DNAH9: variants seen among roughly 807,000 people sequenced by gnomAD.
The protein encoded by DNAH9 is dynein axonemal heavy chain 9.
DNAH9 carries 345 observed loss-of-function variants against 471.6 expected under a neutral mutation model. The ratio of observed to expected loss-of-function variants is 0.73; its 90% CI spans 0.67 to 0.80. The LOEUF (loss-of-function observed/expected upper bound fraction) is 0.80, where lower values mean the gene tolerates loss of function less well. Among genes scored for constraint, DNAH9 ranks in the 30% least tolerant of loss-of-function variants. DNAH9 has a pLI of 0.00. For missense variants in DNAH9, 5,407 were observed against 5,609.2 expected, an observed-to-expected ratio of 0.96 and a Z score of 1.15; for synonymous variants, 2,093 against 2,123.6, an observed-to-expected ratio of 0.99 and a Z score of 0.40.
intron 39 of DNAH9, among the ~76,000 whole-genome samples, 162 bp downstream of exon 39, chr17:11,781,336 C>T (rs1190739074): frequency 1.3e-5 from 2 of 152,224 alleles, no homozygotes; most frequent in African/African-American, 2.4e-5. Context: ...CTCTATTTCC[C>T]AGAGTGGTTC....
At chr17:11,679,605 T>C in intron 17 of DNAH9, 152 bp from the exon 18 acceptor site, 2 of 638,064 alleles carry the variant, frequency 3.1e-6, no homozygotes, top group Non-Finnish European at 5.6e-6. Flanking sequence ...ATTCTTAACA[T>C]CAGAGCATAG....
intron 36 of DNAH9, 37 bp from the exon 37 acceptor site, chr17:11,768,416 G>A (rs1286591204): frequency 3.7e-6 from 6 of 1,600,084 alleles, no homozygotes; most frequent in Non-Finnish European, 5.1e-6. Context: ...CTTGAGTTCT[G>A]GAGGACCTTG....
At chr17:11,864,294 A>G (rs1445651152) in intron 50 of DNAH9, among the ~76,000 whole-genome samples, 4 of 151,948 alleles carry the variant, frequency 2.6e-5, no homozygotes, top group Non-Finnish European at 5.9e-5. Flanking sequence ...GTAGTCATTC[A>G]GGAGCAGGTT....
rs1967772891 is a variant in DNAH9 at position 11,762,893 on chromosome 17, C to T, written c.6996-547C>T. On this transcript the variant is annotated intron_variant, in intron 35 of 68. Transcript: ENST00000262442. Reference sequence around the variant, plus strand: ...CTCCCGGGTTCACGCCATTCTTCTGCCTCAGCCTCCCAAGTAGCTGGGAGT... The same window carrying T: ...CTCCCGGGTTCACGCCATTCTTCTGTCTCAGCCTCCCAAGTAGCTGGGAGT... Among the ~76,000 whole-genome samples, 4 of 149,504 alleles carry T rather than the reference C, an allele frequency of 2.7e-5. No homozygotes were observed. In the Admixed American group the frequency reaches 2.7e-4, roughly 10 times the overall value.
At chr17:11,749,856 G>A (rs1967076827) in intron 32 of DNAH9, among the ~76,000 whole-genome samples, 1 of 151,934 alleles carries the variant, frequency 6.6e-6, no homozygotes, top group South Asian at 2.1e-4. Context: ...CTATACTAAT[G>A]TCATTTTATT....
intron 67 of DNAH9, among the ~76,000 whole-genome samples, chr17:11,961,470 G>A (rs1976173257): frequency 6.6e-6 from 1 of 152,122 alleles, no homozygotes; most frequent in African/African-American, 2.4e-5. Context: ...ATCTTTGTAG[G>A]CGCTGGCTTC....
intron 55 of DNAH9, among the ~76,000 whole-genome samples, chr17:11,882,487 A>AT (rs759281953): frequency 4.6e-5 from 7 of 152,094 alleles, no homozygotes; most frequent in African/African-American, 1.7e-4. Flanking sequence ...TGCATGAGAG[A>AT]TTGAGTTCAG....
At chr17:11,885,481 T>C (rs946121137) in intron 56 of DNAH9, among the ~76,000 whole-genome samples, 3 of 152,272 alleles carry the variant, frequency 2.0e-5, no homozygotes, top group African/African-American at 7.2e-5. Context: ...TCTCTGTTTC[T>C]TTCTGAGTTG....
chr17:11,736,768 A>G (rs2075354635), intron 28 of DNAH9, among the ~76,000 whole-genome samples: 1 of 152,216 alleles, frequency 6.6e-6, no homozygotes, highest in South Asian at 2.1e-4. Context: ...TGCATCATAA[A>G]TTCTTGCTGA....
Position 11,892,056 on chromosome 17 carries a change from ACTAT to A in DNAH9, c.11283+112_11283+115del. The A allele has an allele frequency of 1.5e-6, 2 of 1,316,408 alleles. No homozygotes were observed. Among genetic ancestry groups the A allele is most frequent in the East Asian group, 4.6e-5 (2 of 43,190 alleles). The allele number at this position is 1,316,408 out of a possible 1,614,324, so 81.5% of individuals were successfully genotyped here. A position where few individuals can be genotyped will look rare whatever the true frequency, so the allele number is the denominator to read the frequency against. On this transcript the variant is annotated intron_variant, in intron 58 of 68. Transcript: ENST00000262442. This position sits in a 1 kb window ranked among gnomAD's most constrained non-coding sequence, Gnocchi z 4.3. ...ACATCACTTTCCACAGCATGTCCAG[ACTAT>A]CTGTCTTTGGATAGAGGCATCAGAC...
At chr17:11,750,291 A>G (rs1044041477) in intron 32 of DNAH9, among the ~76,000 whole-genome samples, 15 of 152,098 alleles carry the variant, frequency 9.9e-5, no homozygotes, top group African/African-American at 3.1e-4. Flanking sequence ...AATTTTTTGG[A>G]TAACTTTAAA....
At chr17:11,825,837 A>G (rs1448815241) in intron 48 of DNAH9, among the ~76,000 whole-genome samples, 3 of 152,236 alleles carry the variant, frequency 2.0e-5, no homozygotes, top group Non-Finnish European at 4.4e-5. Context: ...TGAAAGCACA[A>G]AATATTCTAT....
At chr17:11,637,319 G>C (rs1423260076) in intron 9 of DNAH9, among the ~76,000 whole-genome samples, 3 of 152,150 alleles carry the variant, frequency 2.0e-5, no homozygotes, top group Non-Finnish European at 2.9e-5. Context: ...CTTACTACAT[G>C]CCAAGCATGC....
At chr17:11,685,091 G>A (rs1324007481) in intron 19 of DNAH9, among the ~76,000 whole-genome samples, 1 of 152,126 alleles carries the variant, frequency 6.6e-6, no homozygotes, top group Non-Finnish European at 1.5e-5. Flanking sequence ...CTGACCTCAA[G>A]GACTTATAGC....
chr17:11,668,912 T>C, intron 15 of DNAH9, 152 bp from the exon 16 acceptor site: 1 of 612,158 alleles, frequency 1.6e-6, no homozygotes, highest in Non-Finnish European at 2.9e-6. Context: ...TCACATTGTA[T>C]GGGATGTAAA....
intron 68 of DNAH9, among the ~76,000 whole-genome samples, chr17:11,965,919 G>C (rs1226207909): frequency 6.8e-6 from 1 of 146,760 alleles, no homozygotes; most frequent in Non-Finnish European, 1.5e-5. Context: ...AAATTATCCC[G>C]TTAGAAGAAA....
intron 17 of DNAH9, among the ~76,000 whole-genome samples, chr17:11,679,419 G>T (rs749753324): frequency 6.6e-6 from 1 of 152,226 alleles, no homozygotes; most frequent in African/African-American, 2.4e-5. Context: ...ACAAAGGTCT[G>T]CACCTATCAC....
At position 11,619,541 on chromosome 17, in the gene DNAH9, A is replaced by G. The variant is rs751117669; in HGVS notation, c.1117-7A>G. The G allele has an allele frequency of 1.3e-6, 2 of 1,569,466 alleles. No homozygotes were observed. The highest frequency in any genetic ancestry group is 1.8e-6 in the Non-Finnish European group (2 of 1,139,406). ...TGCTCAGTGATACTAATCTGTTTGT[A>G]TACCAGGCCTCTAATTATCTCAGCC... is the stretch of plus-strand genomic sequence containing the variant. On this transcript the variant is annotated splice_polypyrimidine_tract_variant and splice_region_variant and intron_variant, in intron 5 of 68. Transcript: ENST00000262442.
At position 11,807,781 on chromosome 17, in the gene DNAH9, G is replaced by A. The variant is rs763406086; in HGVS notation, c.8470G>A (p.Val2824Ile). The change falls in exon 44 of 69, where the codon GTT (valine) becomes ATT (isoleucine). Residue 2824 changes from valine to isoleucine, a missense_variant. Coordinates refer to ENST00000262442, the MANE Select transcript of DNAH9 (RefSeq NM_001372.4). ...LESPRGNALL[V>I]GVGGSGKQSL... Reference sequence around the variant, plus strand: ...GTCCCCGCGGGGAAATGCTCTGCTGGTTGGTGTAGGTGGGAGCGGCAAGCA... The same window carrying A: ...GTCCCCGCGGGGAAATGCTCTGCTGATTGGTGTAGGTGGGAGCGGCAAGCA... The A allele has an allele frequency of 6.2e-6, 10 of 1,613,866 alleles. No individual in the cohort carries two copies. Among genetic ancestry groups the A allele is most frequent in the African/African-American group, 1.3e-5 (1 of 75,030 alleles).
Sources: gnomAD v4.1 joint callset for allele counts (sites outside exome capture counted in the v4.1 genomes callset) on GRCh38, gnomAD v4.1.1 for gene constraint, Gnocchi (gnomAD v3.1) non-coding constraint, MANE v1.5 for transcripts, NCBI Gene and HGNC (gene_info 2026-07-23, HGNC 2026-07-21) for gene names.